Variants in TTC27 observed in about 807,000 individuals in gnomAD.
TTC27 encodes tetratricopeptide repeat domain 27, also known as tetratricopeptide repeat protein 27.
In TTC27, 79 loss-of-function variants were observed where a neutral mutation model predicts 115.9. The ratio of observed to expected loss-of-function variants is 0.68; its 90% CI spans 0.57 to 0.82. TTC27 has a LOEUF of 0.82. Among genes scored for constraint, TTC27 ranks in the 40% least tolerant of loss-of-function variants. The pLI is 0.00. For missense variants in TTC27, 1,054 were observed against 993.1 expected (o/e 1.06, Z -0.82); for synonymous variants, 401 against 356.0 (o/e 1.13, Z -1.42).
intron 9 of TTC27, among the ~76,000 whole-genome samples, chr2:32,679,226 T>G (rs1279762468): frequency 6.6e-6 from 1 of 152,240 alleles, no homozygotes; most frequent in Non-Finnish European, 1.5e-5. Context: ...TTCAACAGTC[T>G]AGAGCAGTCC....
At chr2:32,771,730 T>C (rs1298928051) in intron 13 of TTC27, among the ~76,000 whole-genome samples, 1 of 152,150 alleles carries the variant, frequency 6.6e-6, no homozygotes, top group South Asian at 2.1e-4. Flanking sequence ...AGGAAAAAAA[T>C]GAGCATCAAG....
intron 10 of TTC27, among the ~76,000 whole-genome samples, chr2:32,723,332 T>C (rs1406154873): frequency 6.6e-6 from 1 of 152,008 alleles, no homozygotes; most frequent in African/African-American, 2.4e-5. Flanking sequence ...CAGCTCTTGG[T>C]GGGGGTGGTT....
intron 13 of TTC27, among the ~76,000 whole-genome samples, chr2:32,771,210 G>A (rs1317286961): frequency 6.6e-6 from 1 of 152,180 alleles, no homozygotes; most frequent in African/African-American, 2.4e-5. Flanking sequence ...TGGATTTGCT[G>A]CTGAGAAAAT....
chr2:32,792,415 A>C (rs1670565794), intron 16 of TTC27, among the ~76,000 whole-genome samples: 3 of 152,226 alleles, frequency 2.0e-5, no homozygotes, highest in Non-Finnish European at 4.4e-5. Flanking sequence ...GCTAGCGAGC[A>C]GTAAAGCTAA....
At chr2:32,768,187 T>C (rs1374494924) in intron 13 of TTC27, among the ~76,000 whole-genome samples, 1 of 152,218 alleles carries the variant, frequency 6.6e-6, no homozygotes, top group Non-Finnish European at 1.5e-5. Context: ...AATTCTCCTT[T>C]ATTATTTTTT....
chr2:32,631,042 G>A (rs1559177532), intron 2 of TTC27, among the ~76,000 whole-genome samples: 1 of 152,118 alleles, frequency 6.6e-6, no homozygotes, highest in African/African-American at 2.4e-5. Context: ...AGTGCTTCAC[G>A]CCTGTAGTCC....
At chr2:32,805,148 C>T (rs1671085910) in intron 16 of TTC27, among the ~76,000 whole-genome samples, 1 of 152,204 alleles carries the variant, frequency 6.6e-6, no homozygotes, top group Non-Finnish European at 1.5e-5. Context: ...AGCCTGCTTT[C>T]CCTCGGTATG....
intron 13 of TTC27, among the ~76,000 whole-genome samples, chr2:32,760,730 C>T (rs2147996296): frequency 6.6e-6 from 1 of 152,234 alleles, no homozygotes; most frequent in East Asian, 1.9e-4. Flanking sequence ...CTGCAGTTGC[C>T]TTATGAGTGG....
chr2:32,802,983 G>C (rs79282793), intron 16 of TTC27, among the ~76,000 whole-genome samples: 2 of 152,142 alleles, frequency 1.3e-5, no homozygotes, highest in South Asian at 4.2e-4. Context: ...CTGTTGGCTC[G>C]TATTTCCCTG....
At chr2:32,706,923 C>T (rs902067768) in intron 10 of TTC27, among the ~76,000 whole-genome samples, 81 of 152,150 alleles carry the variant, frequency 5.3e-4, no homozygotes, top group African/African-American at 1.9e-3. Flanking sequence ...ACTTCCTGTC[C>T]TCTTTTGCAG....
chr2:32,706,908 A>G (rs1667392943), intron 10 of TTC27, among the ~76,000 whole-genome samples: 1 of 152,232 alleles, frequency 6.6e-6, no homozygotes, highest in African/African-American at 2.4e-5. Context: ...TTATCCAGGC[A>G]CATGACTTCC....
chr2:32,763,992 C>G (rs1489183013), intron 13 of TTC27, among the ~76,000 whole-genome samples: 1 of 152,130 alleles, frequency 6.6e-6, no homozygotes, highest in African/African-American at 2.4e-5. Context: ...TGTTAACACT[C>G]TACTTTTATG....
chr2:32,775,874 T>C (rs930232669), intron 13 of TTC27, among the ~76,000 whole-genome samples: 4 of 152,234 alleles, frequency 2.6e-5, no homozygotes, highest in South Asian at 2.1e-4. Flanking sequence ...GGTTGGAGTT[T>C]AGAGAGCTTG....
intron 12 of TTC27, among the ~76,000 whole-genome samples, chr2:32,744,158 A>G (rs1276389074): frequency 6.6e-6 from 1 of 152,242 alleles, no homozygotes; most frequent in Non-Finnish European, 1.5e-5. Context: ...TCCAAATTCT[A>G]TGTGGCTCTC....
At chr2:32,751,511 G>A (rs1263377251) in intron 12 of TTC27, among the ~76,000 whole-genome samples, 1 of 152,108 alleles carries the variant, frequency 6.6e-6, no homozygotes, top group East Asian at 1.9e-4. Context: ...GTGAAGGGAA[G>A]AGAAGGAAAC....
chr2:32,799,277 CA>C (rs1432561448), intron 16 of TTC27, among the ~76,000 whole-genome samples: 1 of 152,090 alleles, frequency 6.6e-6, no homozygotes, highest in African/African-American at 2.4e-5. Flanking sequence ...TTCAGTTTTA[CA>C]AGGTGAAAAT....
At chr2:32,652,533 G>T (rs1665167730) in intron 5 of TTC27, among the ~76,000 whole-genome samples, 1 of 152,032 alleles carries the variant, frequency 6.6e-6, no homozygotes, top group South Asian at 2.1e-4. Context: ...TCCCAAAGAG[G>T]TCTCAGTTCT....
chr2:32,691,279 A>G (rs941492178), intron 9 of TTC27, among the ~76,000 whole-genome samples: 12 of 151,662 alleles, frequency 7.9e-5, no homozygotes, highest in African/African-American at 1.7e-4. Flanking sequence ...AGGTACATAT[A>G]TAGCTTGTCA....
At position 32,660,826 on chromosome 2, in the gene TTC27, G is replaced by C. The variant is rs186106560; in HGVS notation, c.641-3477G>C. 1.1e-3 allele frequency among the ~76,000 whole-genome samples: 167 copies of C among 152,250 alleles called. 2 individuals carry two copies. Among genetic ancestry groups the C allele is most frequent in the Admixed American group, 4.2e-3 (64 of 15,286 alleles). On this transcript the variant is annotated intron_variant, in intron 5 of 19. Coordinates refer to ENST00000317907, the MANE Select transcript of TTC27 (RefSeq NM_017735.5). ...CGTTGCCATTGCTTTTGGTGTTTTA[G>C]ACATGAAGTCTTTGCCCATGCCTAT...
Sources: allele counts gnomAD v4.1 joint callset (sites outside exome capture counted in the v4.1 genomes callset), GRCh38; gene constraint gnomAD v4.1.1; transcripts MANE v1.5; gene names NCBI Gene and HGNC (gene_info 2026-07-23, HGNC 2026-07-21).